The following UCHL3 variants were observed in gnomAD, a reference collection of about 807,000 sequenced individuals.
UCHL3 encodes the protein ubiquitin C-terminal hydrolase L3, also known as ubiquitin carboxyl-terminal hydrolase isozyme L3.
UCHL3 carries 22 observed loss-of-function variants against 35.8 expected under a neutral mutation model. The ratio of observed to expected loss-of-function variants is 0.61; its 90% CI spans 0.44 to 0.88. UCHL3 has a LOEUF of 0.88. Among genes scored for constraint, UCHL3 ranks in the 40% least tolerant of loss-of-function variants. The pLI is 0.00. For synonymous variants in UCHL3, 90 were observed against 92.8 expected (o/e 0.97, Z 0.17); for missense variants, 229 against 276.9 (o/e 0.83, Z 1.23).
chr13:75,581,748 C>A (rs1378303296), intron 6 of UCHL3, among the ~76,000 whole-genome samples: 1 of 149,384 alleles, frequency 6.7e-6, no homozygotes, highest in African/African-American at 2.5e-5. Context: ...TACAGCATTT[C>A]AAATACGTTG....
At chr13:75,596,413 C>G (rs1341509861) in intron 7 of UCHL3, among the ~76,000 whole-genome samples, 2 of 151,918 alleles carry the variant, frequency 1.3e-5, no homozygotes, top group Non-Finnish European at 2.9e-5. Flanking sequence ...TAAAGTATAA[C>G]AGTGATTGGG....
intron 6 of UCHL3, among the ~76,000 whole-genome samples, chr13:75,592,924 A>G (rs1566228479): frequency 6.6e-6 from 1 of 152,156 alleles, no homozygotes; most frequent in Non-Finnish European, 1.5e-5. Flanking sequence ...AAGTACTTTC[A>G]TGCAGCTCAT....
At chr13:75,586,994 TCTAA>T in intron 6 of UCHL3, among the ~76,000 whole-genome samples, 2 of 134,838 alleles carry the variant, frequency 1.5e-5, no homozygotes, top group Non-Finnish European at 3.1e-5. Context: ...AAGTCAGAGA[TCTAA>T]GTTTTTACCT....
At chr13:75,554,339 T>C (rs1430263092) in intron 2 of UCHL3, among the ~76,000 whole-genome samples, 1 of 152,200 alleles carries the variant, frequency 6.6e-6, no homozygotes, top group Non-Finnish European at 1.5e-5. Flanking sequence ...TCTTCTAATC[T>C]TGTAAGATCA....
chr13:75,595,787 CTT>C (rs11364688), intron 7 of UCHL3, among the ~76,000 whole-genome samples: 90 of 144,856 alleles, frequency 6.2e-4, no homozygotes, highest in Non-Finnish European at 5.4e-4. Flanking sequence ...TATACCTGTA[CTT>C]TTTTTTTTTT....
At chr13:75,551,734 T>G (rs1171937921) in intron 2 of UCHL3, among the ~76,000 whole-genome samples, 1 of 152,210 alleles carries the variant, frequency 6.6e-6, no homozygotes, top group Non-Finnish European at 1.5e-5. Flanking sequence ...TTTAACAAAC[T>G]AAGTTTGTGT....
At position 75,582,965 on chromosome 13, in the gene UCHL3, A is replaced by C. The variant is rs560700737; in HGVS notation, c.475-11950A>C. On this transcript the variant is annotated intron_variant, in intron 6 of 8. Transcript: ENST00000377595. ...ATCAACTCTTTGAAATTGAAAATAT[A>C]TATGATGTACACTGTTATGTCTATA... 2.0e-5 allele frequency among the ~76,000 whole-genome samples: 3 copies of C among 152,336 alleles called. No homozygotes were observed. The South Asian group carries it at 6.2e-4, about 32-fold the overall frequency.
intron 6 of UCHL3, among the ~76,000 whole-genome samples, chr13:75,590,412 T>TTAATTGTTAAAG: frequency 6.6e-6 from 1 of 152,340 alleles, no homozygotes; most frequent in South Asian, 2.1e-4. Flanking sequence ...TTAAGTCTGG[T>TTAATTGTTAAAG]TAATTGTTAA....
chr13:75,597,578 T>C (rs939728827), intron 7 of UCHL3, among the ~76,000 whole-genome samples: 2 of 152,192 alleles, frequency 1.3e-5, no homozygotes, highest in African/African-American at 4.8e-5. Context: ...GTATTATGTA[T>C]GATAAGTAAT....
chr13:75,565,705 T>A (rs913408595), intron 3 of UCHL3, among the ~76,000 whole-genome samples: 2 of 152,246 alleles, frequency 1.3e-5, no homozygotes, highest in Non-Finnish European at 2.9e-5. Context: ...AGGCTGTCAT[T>A]TGCTGACCCC....
At chr13:75,564,155 C>CT (rs35022480) in intron 3 of UCHL3, among the ~76,000 whole-genome samples, 16,462 of 146,372 alleles carry the variant, frequency 0.11, 1,134 homozygotes, top group Non-Finnish European at 0.16. Flanking sequence ...GTGCAGATAT[C>CT]TTTTTTTTTT....
At chr13:75,566,918 G>A (rs2031702865) in intron 4 of UCHL3, 67 bp downstream of exon 4, 15 of 1,471,610 alleles carry the variant, frequency 1.0e-5, no homozygotes, top group Non-Finnish European at 1.4e-5. Flanking sequence ...TGAGCAGTAG[G>A]TGGTGCTCTA....
At chr13:75,562,023 T>C (rs1316899357) in intron 3 of UCHL3, among the ~76,000 whole-genome samples, 1 of 152,050 alleles carries the variant, frequency 6.6e-6, no homozygotes, top group Non-Finnish European at 1.5e-5. Context: ...GCAGTAGTTA[T>C]GAAAAATGAA....
chr13:75,567,807 C>T (rs1203396110), intron 5 of UCHL3, among the ~76,000 whole-genome samples: 1 of 152,100 alleles, frequency 6.6e-6, no homozygotes, highest in Non-Finnish European at 1.5e-5. Context: ...CTCGGCCTCC[C>T]AAAGTGCTGG....
chr13:75,572,309 C>G (rs528235995), intron 6 of UCHL3, among the ~76,000 whole-genome samples: 1 of 152,256 alleles, frequency 6.6e-6, no homozygotes, highest in African/African-American at 2.4e-5. Context: ...TATGACTACT[C>G]CAACTATTTG....
At chr13:75,600,341 G>GGGAAGAAGATGCCATCTA (rs1346125858) in intron 7 of UCHL3, among the ~76,000 whole-genome samples, 4 of 152,210 alleles carry the variant, frequency 2.6e-5, no homozygotes, top group Non-Finnish European at 5.9e-5. Flanking sequence ...GCCTTCTCTT[G>GGGAAGAAGATGCCATCTA]GGAAGAAGAT....
chr13:75,604,739 A>T, intron 7 of UCHL3, 30 bp from the exon 8 acceptor site: 1 of 1,570,980 alleles, frequency 6.4e-7, no homozygotes, highest in Non-Finnish European at 8.6e-7. Flanking sequence ...AAAACAGCTA[A>T]GCATTCAATT....
chr13:75,550,720 G>T (rs1593967598), intron 2 of UCHL3, among the ~76,000 whole-genome samples: 1 of 138,412 alleles, frequency 7.2e-6, no homozygotes, highest in African/African-American at 2.6e-5. Context: ...ATTTTACCCT[G>T]TTTTTTTTTT....
At chr13:75,592,996 C>G (rs1248086864) in intron 6 of UCHL3, among the ~76,000 whole-genome samples, 1 of 152,108 alleles carries the variant, frequency 6.6e-6, no homozygotes, top group Non-Finnish European at 1.5e-5. Context: ...ATTCAGTTCT[C>G]TGACTCCAGT....
Sources: allele counts gnomAD v4.1 joint callset (sites outside exome capture counted in the v4.1 genomes callset), GRCh38; gene constraint gnomAD v4.1.1; transcripts MANE v1.5; gene names NCBI Gene and HGNC (gene_info 2026-07-23, HGNC 2026-07-21).